The following PTPRD variants were observed in gnomAD, a reference collection of about 807,000 sequenced individuals.
PTPRD encodes receptor-type tyrosine-protein phosphatase delta.
PTPRD carries 34 observed loss-of-function variants against 214.5 expected under a neutral mutation model. The observed-to-expected ratio is 0.16, with a 90% CI of 0.12 to 0.21. PTPRD has a LOEUF of 0.21. PTPRD is among the 10% of genes least tolerant of loss of function. The pLI is 1.00. For missense variants in PTPRD, 2,545 were observed against 2,398.7 expected, an observed-to-expected ratio of 1.06 and a Z score of -1.27; for synonymous variants, 1,128 against 845.7, an observed-to-expected ratio of 1.33 and a Z score of -5.79.
intron 2 of PTPRD, among the ~76,000 whole-genome samples, chr9:10,564,392 T>A (rs1276787476): frequency 6.6e-6 from 1 of 151,348 alleles, no homozygotes; most frequent in Non-Finnish European, 1.5e-5. Context: ...AACTGACTTC[T>A]TTTAAATTTT....
intron 9 of PTPRD, among the ~76,000 whole-genome samples, chr9:9,367,147 T>C (rs563002775): frequency 4.0e-5 from 6 of 151,648 alleles, no homozygotes; most frequent in African/African-American, 1.4e-4. Flanking sequence ...GGGTTATTTA[T>C]ATTTATACAT....
intron 8 of PTPRD, among the ~76,000 whole-genome samples, chr9:9,499,151 T>G (rs1324306810): frequency 6.6e-6 from 1 of 152,150 alleles, no homozygotes; most frequent in Non-Finnish European, 1.5e-5. Context: ...TTGTTTCTCT[T>G]CAAAGATAAT....
chr9:10,103,114 G>T (rs2098578334), intron 3 of PTPRD, among the ~76,000 whole-genome samples: 2 of 151,516 alleles, frequency 1.3e-5, no homozygotes, highest in South Asian at 4.1e-4. Context: ...TATAGACCTA[G>T]TATAGCTGAG....
At chr9:9,465,019 G>A (rs897991029) in intron 8 of PTPRD, among the ~76,000 whole-genome samples, 1 of 152,074 alleles carries the variant, frequency 6.6e-6, no homozygotes, top group South Asian at 2.1e-4. Flanking sequence ...ATTGAATTCT[G>A]GTTATTCTTA....
intron 36 of PTPRD, among the ~76,000 whole-genome samples, chr9:8,392,472 G>C (rs2089931864): frequency 6.6e-6 from 1 of 152,074 alleles, no homozygotes; most frequent in South Asian, 2.1e-4. Context: ...GCTGCAGTGA[G>C]CCATAATTGC....
intron 34 of PTPRD, among the ~76,000 whole-genome samples, chr9:8,439,324 C>G (rs1163569799): frequency 6.6e-6 from 1 of 152,172 alleles, no homozygotes; most frequent in Admixed American, 6.5e-5. Flanking sequence ...TAGATAAATT[C>G]AAGAGCCATT....
chr9:10,188,559 C>T (rs1346358732), intron 3 of PTPRD, among the ~76,000 whole-genome samples: 3 of 151,312 alleles, frequency 2.0e-5, no homozygotes, highest in Non-Finnish European at 4.4e-5. Flanking sequence ...TTGTATAACA[C>T]TTAGATAAAT....
chr9:10,244,118 T>G (rs1426084161), intron 3 of PTPRD, among the ~76,000 whole-genome samples: 1 of 151,872 alleles, frequency 6.6e-6, no homozygotes, highest in African/African-American at 2.4e-5. Context: ...TTTTTCATTG[T>G]AGTAATCTAA....
rs145294888 is a variant in PTPRD at position 9,806,447 on chromosome 9, C to G, written c.-367-39596G>C. On this transcript the variant is annotated intron_variant, in intron 5 of 45. Coordinates refer to ENST00000381196, the MANE Select transcript of PTPRD (RefSeq NM_002839.4). ...GAATGTATTTTGTAACATTCCTCCC[C>G]GCTCTTGTGACAATACACCCTCCCC... Among the ~76,000 whole-genome samples the G allele has an allele frequency of 2.9e-3, 444 of 152,050 alleles. 4 individuals carry two copies. The highest frequency in any genetic ancestry group is 0.01 in the African/African-American group (419 of 41,514).
At chr9:9,949,695 C>G (rs1314018368) in intron 4 of PTPRD, among the ~76,000 whole-genome samples, 1 of 151,808 alleles carries the variant, frequency 6.6e-6, no homozygotes, top group Non-Finnish European at 1.5e-5. Context: ...AACAAACAAA[C>G]TAACAACAAC....
At chr9:10,484,652 C>T (rs1483074393) in intron 2 of PTPRD, among the ~76,000 whole-genome samples, 1 of 151,812 alleles carries the variant, frequency 6.6e-6, no homozygotes, top group Admixed American at 6.6e-5. Flanking sequence ...TTTGGAGCAC[C>T]TTTTCATATG....
At chr9:9,794,983 C>T (rs1267262217) in intron 5 of PTPRD, among the ~76,000 whole-genome samples, 2 of 152,220 alleles carry the variant, frequency 1.3e-5, no homozygotes, top group Admixed American at 6.5e-5. Flanking sequence ...GTGGAAAGAG[C>T]AGAGGTAGCT....
At chr9:9,213,308 C>G (rs770370627) in intron 9 of PTPRD, among the ~76,000 whole-genome samples, 1 of 152,034 alleles carries the variant, frequency 6.6e-6, no homozygotes, top group Admixed American at 6.6e-5. Flanking sequence ...TTTGAGAAGA[C>G]TTGTGGTTTG....
chr9:10,225,554 T>C (rs982168904), intron 3 of PTPRD, among the ~76,000 whole-genome samples: 2 of 152,056 alleles, frequency 1.3e-5, no homozygotes, highest in African/African-American at 4.8e-5. Flanking sequence ...AATATTACCA[T>C]GAACAGAAGC....
At chr9:8,329,867 C>G (rs554238831) in intron 44 of PTPRD, among the ~76,000 whole-genome samples, 1 of 152,102 alleles carries the variant, frequency 6.6e-6, no homozygotes, top group South Asian at 2.1e-4. Flanking sequence ...TCTCCCCTCA[C>G]GAAGCTCGAA....
At chr9:10,338,723 A>G (rs1454517826) in intron 3 of PTPRD, among the ~76,000 whole-genome samples, 1 of 151,790 alleles carries the variant, frequency 6.6e-6, no homozygotes, top group Non-Finnish European at 1.5e-5. Flanking sequence ...GTATTGACTT[A>G]GCAAAAAGAA....
chr9:9,228,053 G>C (rs1346577169), intron 9 of PTPRD, among the ~76,000 whole-genome samples: 1 of 152,080 alleles, frequency 6.6e-6, no homozygotes, highest in African/African-American at 2.4e-5. Context: ...ATGTCAGTTG[G>C]TCATGTTAGC....
At chr9:9,143,931 T>C (rs1033134529) in intron 10 of PTPRD, among the ~76,000 whole-genome samples, 2 of 152,242 alleles carry the variant, frequency 1.3e-5, no homozygotes, top group Admixed American at 6.5e-5. Flanking sequence ...GGTTTTCTCA[T>C]GTGATCATTC....
At chr9:9,780,652 A>G (rs886983790) in intron 5 of PTPRD, among the ~76,000 whole-genome samples, 7 of 152,220 alleles carry the variant, frequency 4.6e-5, no homozygotes, top group African/African-American at 1.7e-4. Context: ...ACAAAGCTAA[A>G]TGATATGATT....
Sources: allele counts gnomAD v4.1 joint callset (sites outside exome capture counted in the v4.1 genomes callset), GRCh38; gene constraint gnomAD v4.1.1; transcripts MANE v1.5; gene names NCBI Gene and HGNC (gene_info 2026-07-23, HGNC 2026-07-21).